Variants in PTCD1 observed in about 807,000 individuals in gnomAD.
The protein encoded by PTCD1 is pentatricopeptide repeat domain 1, also known as pentatricopeptide repeat-containing protein 1, mitochondrial.
In PTCD1, 50 loss-of-function variants were observed where a neutral mutation model predicts 53.4. That is an observed-to-expected ratio of 0.94 (90% confidence interval 0.75 to 1.19). The LOEUF (loss-of-function observed/expected upper bound fraction) is 1.19. Ranked by LOEUF, PTCD1 falls within the 50% of genes most tolerant of loss-of-function variation. The probability of loss-of-function intolerance (pLI) is 0.00; values close to 1 mark genes in which losing one functional copy is unlikely to be tolerated. For missense variants in PTCD1, 918 were observed against 904.8 expected (o/e 1.01, Z -0.19); for synonymous variants, 413 against 394.8 (o/e 1.05, Z -0.55).
Position 99,420,093 on chromosome 7 carries a change from C to T in PTCD1, c.1977G>A (p.Lys659=), listed in dbSNP as rs1282570187. Reference sequence around the variant, plus strand: ...CTGCGGGCATCACTGTCAGCCACTGCTTGTAATAGGCTCGGAAGCCGTCAA... The same window carrying T: ...CTGCGGGCATCACTGTCAGCCACTGTTTGTAATAGGCTCGGAAGCCGTCAA... ...EKIDGFRAYY[K]QWLTVMPAEE... is the part of the protein sequence containing the mutation. Residue 659 remains lysine, a synonymous_variant, in exon 8 of 8, where the codon AAG becomes AAA. Transcript: ENST00000292478. 1.2e-6 allele frequency: 2 copies of T among 1,614,080 alleles called. No individual in the cohort carries two copies. The highest frequency in any genetic ancestry group is 4.5e-5 in the East Asian group (2 of 44,900).
At chr7:99,427,703 G>C (rs1380970057) in intron 5 of PTCD1, among the ~76,000 whole-genome samples, 1 of 152,078 alleles carries the variant, frequency 6.6e-6, no homozygotes, top group Non-Finnish European at 1.5e-5. Flanking sequence ...TCGGATGGTT[G>C]CCGTGTCTGT....
At position 99,428,466 on chromosome 7, in the gene PTCD1, G is replaced by A. The variant is rs183927495; in HGVS notation, c.915+637C>T. On this transcript the variant is annotated intron_variant, in intron 5 of 7. Transcript: ENST00000292478. Reference sequence around the variant, plus strand: ...AAGAAAAAAAAAGCTCTCCAGCGGGGAGCTGTGGTTCACACCTGTAATCCC... The same window carrying A: ...AAGAAAAAAAAAGCTCTCCAGCGGGAAGCTGTGGTTCACACCTGTAATCCC... 3.0e-4 allele frequency among the ~76,000 whole-genome samples: 45 copies of A among 151,918 alleles called. No individual in the cohort carries two copies. In the East Asian group the frequency reaches 5.4e-3, roughly 18 times the overall value.
rs376349991 is a variant in PTCD1 at position 99,429,816 on chromosome 7, T to C, written c.595-10A>G. On this transcript the variant is annotated splice_polypyrimidine_tract_variant and intron_variant, in intron 3 of 7. Coordinates refer to ENST00000292478, the MANE Select transcript of PTCD1 (RefSeq NM_015545.4). ...GGTCCCGCTTTTTCATCTGTGGAGA[T>C]GGAAGAAGCTCAGTGGTGGCCCGGG... 96 of 1,613,742 alleles carry C rather than the reference T, an allele frequency of 5.9e-5. No individual in the cohort carries two copies. The African/African-American group carries it at 1.2e-3, about 21-fold the overall frequency.
chr7:99,434,714 T>C, intron 2 of PTCD1, 76 bp downstream of exon 2: 50 of 1,590,886 alleles, frequency 3.1e-5, no homozygotes, highest in Non-Finnish European at 4.1e-5. Context: ...GCTGGGAAAG[T>C]CAGGTGACCC....
At chr7:99,424,018 C>A in intron 6 of PTCD1, 61 bp from the exon 7 acceptor site, 2 of 1,583,758 alleles carry the variant, frequency 1.3e-6, no homozygotes, top group Non-Finnish European at 1.7e-6. Context: ...CAGCAGCTCC[C>A]ACCCTCTGTC....
At chr7:99,434,036 T>C (rs1796358511) in intron 2 of PTCD1, among the ~76,000 whole-genome samples, 3 of 99,106 alleles carry the variant, frequency 3.0e-5, no homozygotes, top group Admixed American at 1.2e-4. Flanking sequence ...TGGGTGACGG[T>C]ACAAGACTCC....
At chr7:99,426,664 G>A (rs1250632967) in intron 5 of PTCD1, among the ~76,000 whole-genome samples, 1 of 150,296 alleles carries the variant, frequency 6.7e-6, no homozygotes, top group Admixed American at 6.6e-5. Context: ...GAGCCCCTCT[G>A]CCTGGCTGCC....
In PTCD1 at chr7:99,419,691, C is replaced by T. The variant is rs1025800130; in HGVS notation, c.*276G>A. 2.9e-6 allele frequency: 2 copies of T among 692,886 alleles called. No homozygotes were observed. The highest frequency in any genetic ancestry group is 2.4e-6 in the Non-Finnish European group (1 of 421,490). The allele number at this position is 692,886 out of a possible 1,614,324, so 42.9% of individuals were successfully genotyped here. A position where few individuals can be genotyped will look rare whatever the true frequency, so the allele number is the denominator to read the frequency against. On this transcript the variant is annotated 3_prime_UTR_variant, in exon 8 of 8. Coordinates refer to ENST00000292478, the MANE Select transcript of PTCD1 (RefSeq NM_015545.4). ...GGCCCAGGCCCCAGGGACCAGATGC[C>T]CCAGCCCCCTTGTGGTGTGTGAGGT... is the stretch of plus-strand genomic sequence containing the variant.
intron 6 of PTCD1, 65 bp from the exon 7 acceptor site, chr7:99,424,022 C>A: frequency 1.9e-6 from 3 of 1,580,742 alleles, no homozygotes; most frequent in Non-Finnish European, 2.6e-6. Flanking sequence ...AGCTCCCACC[C>A]TCTGTCAATC....
chr7:99,433,785 G>A (rs1796346961), intron 2 of PTCD1, among the ~76,000 whole-genome samples: 1 of 152,184 alleles, frequency 6.6e-6, no homozygotes, highest in Admixed American at 6.5e-5. Flanking sequence ...CAGGCGCAGT[G>A]GCTCACGCCT....
intron 5 of PTCD1, among the ~76,000 whole-genome samples, chr7:99,427,703 G>A: frequency 6.6e-6 from 1 of 152,078 alleles, no homozygotes; most frequent in East Asian, 1.9e-4. Flanking sequence ...TCGGATGGTT[G>A]CCGTGTCTGT....
At chr7:99,429,297 G>T in intron 4 of PTCD1, 93 bp from the exon 5 acceptor site, 1 of 1,497,802 alleles carries the variant, frequency 6.7e-7, no homozygotes. Flanking sequence ...GGGAGGCCAA[G>T]GCAGGATGAT....
Position 99,419,620 on chromosome 7 carries a change from C to T in PTCD1, c.*347G>A, listed in dbSNP as rs552172219. 181 of 822,890 alleles carry T rather than the reference C, an allele frequency of 2.2e-4. No homozygotes were observed. The highest frequency in any genetic ancestry group is 3.3e-4 in the Non-Finnish European group (175 of 534,872). 51.0% of individuals were successfully genotyped at this position (822,890 alleles called of 1,614,324 possible). ...ATAAAATCTTTAAATCTCTCGAGCC[C>T]CACGTCTCTTCTTTCAGAGCATCGG... On this transcript the variant is annotated 3_prime_UTR_variant, in exon 8 of 8. Coordinates refer to ENST00000292478, the MANE Select transcript of PTCD1 (RefSeq NM_015545.4).
intron 1 of PTCD1, 37 bp downstream of exon 1, chr7:99,438,655 G>A: frequency 8.1e-7 from 1 of 1,240,692 alleles, no homozygotes; most frequent in Non-Finnish European, 1.0e-6. Context: ...CTTGGCCCGG[G>A]TCCCGGGGCT....
intron 7 of PTCD1, among the ~76,000 whole-genome samples, chr7:99,422,807 C>A (rs1795874227): frequency 2.0e-5 from 3 of 152,278 alleles, no homozygotes; most frequent in African/African-American, 7.2e-5. Context: ...CACCTGTCTG[C>A]ATAATAAAAG....
rs202119436 is a variant in PTCD1 at position 99,419,951 on chromosome 7, T to G, written c.*16A>C. ...GAGCACTGGGGGCCGAGCACATTGT[T>G]CCAGCTGTGCTCCCATCACCTGCCC... is the stretch of plus-strand genomic sequence containing the variant. On this transcript the variant is annotated 3_prime_UTR_variant, in exon 8 of 8. Coordinates refer to ENST00000292478, the MANE Select transcript of PTCD1 (RefSeq NM_015545.4). 2.3e-3 allele frequency: 3,642 copies of G among 1,614,066 alleles called. 3 individuals are homozygous for G. The highest frequency in any genetic ancestry group is 2.7e-3 in the Non-Finnish European group (3,203 of 1,180,014).
rs374305655 is a variant in PTCD1, at chr7:99,425,371, C to T, written c.1161G>A (p.Gln387=). The T allele has an allele frequency of 7.6e-5, 123 of 1,614,098 alleles. No individual in the cohort carries two copies. Among genetic ancestry groups the T allele is most frequent in the Non-Finnish European group, 9.5e-5 (112 of 1,180,052 alleles). ...GTGCCTGAGAAGGTTCCAGAAACAG[C>T]TGCCTCTCCAGGGCCTCCACATGCA... ...AMLHVEALER[Q]LFLEPSQALG... is the part of the protein sequence containing the mutation. Residue 387 remains glutamine, a synonymous_variant, in exon 6 of 8, where the codon CAG becomes CAA. Coordinates refer to ENST00000292478, the MANE Select transcript of PTCD1 (RefSeq NM_015545.4).
Position 99,417,314 on chromosome 7 carries a change from A to G in PTCD1, c.*2653T>C. 1 of 1,084,226 alleles carries G rather than the reference A, an allele frequency of 9.2e-7. No individual in the cohort carries two copies. The highest frequency in any genetic ancestry group is 1.4e-6 in the Non-Finnish European group (1 of 724,594). The allele number at this position is 1,084,226 out of a possible 1,614,324, so 67.2% of individuals were successfully genotyped here. A position where few individuals can be genotyped will look rare whatever the true frequency, so the allele number is the denominator to read the frequency against. ...GTGATCCGCCTGCCTCGGCCTCCCA[A>G]AGTGCTGGGATTACAGGTGTGAGCC... On this transcript the variant is annotated 3_prime_UTR_variant, in exon 8 of 8. Coordinates refer to ENST00000292478, the MANE Select transcript of PTCD1 (RefSeq NM_015545.4).
chr7:99,429,833 T>C (rs1796192082), intron 3 of PTCD1, 27 bp from the exon 4 acceptor site: 2 of 1,612,704 alleles, frequency 1.2e-6, no homozygotes, highest in South Asian at 1.1e-5. Flanking sequence ...AGCTCAGTGG[T>C]GGCCCGGGAT....
Sources: allele counts gnomAD v4.1 joint callset (sites outside exome capture counted in the v4.1 genomes callset), GRCh38; gene constraint gnomAD v4.1.1; transcripts MANE v1.5; gene names NCBI Gene and HGNC (gene_info 2026-07-23, HGNC 2026-07-21).